FCRL6: variants seen among roughly 807,000 people sequenced by gnomAD.
FCRL6 encodes Fc receptor-like protein 6.
Under a neutral mutation model 49.1 loss-of-function variants are expected in FCRL6, and 50 were observed. The ratio of observed to expected loss-of-function variants is 1.02; its 90% CI spans 0.81 to 1.29. The LOEUF is 1.29. FCRL6 is among the 50% of genes most tolerant of loss of function. FCRL6 has a pLI of 0.00. For synonymous variants in FCRL6, 213 were observed against 199.6 expected (o/e 1.07, Z -0.57); for missense variants, 571 against 518.5 (o/e 1.10, Z -0.98).
chr1:159,809,489 A>G lies in FCRL6; in HGVS notation c.692A>G (p.Gln231Arg). 6.2e-7 allele frequency: 1 copy of G among 1,614,152 alleles called. No individual in the cohort carries two copies. Among genetic ancestry groups the G allele is most frequent in the Non-Finnish European group, 8.5e-7 (1 of 1,180,004 alleles). The change falls in exon 5 of 10, where the codon CAG becomes CGG. Residue 231 changes from glutamine to arginine, a missense_variant. Transcript: ENST00000368106. ...ATGGTGCAGCTCCTCTGTGAGGCAC[A>G]GAGGGGCTCCCCTCCGATCCTGTAT... The part of the protein sequence containing the change: ...GDMVQLLCEA[Q>R]RGSPPILYSF...
chr1:159,803,060 TC>T (rs1280410056), intron 1 of FCRL6, among the ~76,000 whole-genome samples: 1 of 152,188 alleles, frequency 6.6e-6, no homozygotes, highest in East Asian at 1.9e-4. Context: ...ACATCTTCTC[TC>T]TGTTGGGAGC....
At chr1:159,815,480 C>G in intron 9 of FCRL6, 21 bp downstream of exon 9, 1 of 1,614,116 alleles carries the variant, frequency 6.2e-7, no homozygotes, top group Non-Finnish European at 8.5e-7. Context: ...ATCCCTGCTC[C>G]TTTCTCACCC....
At chr1:159,814,135 G>A (rs1024561091) in intron 7 of FCRL6, 86 bp from the exon 8 acceptor site, 19 of 1,250,844 alleles carry the variant, frequency 1.5e-5, no homozygotes, top group Non-Finnish European at 1.7e-5. Flanking sequence ...AGCCCCTGAT[G>A]GGCTTCTCTC....
chr1:159,812,570 G>A (rs77142732), intron 6 of FCRL6, among the ~76,000 whole-genome samples: 5,378 of 152,256 alleles, frequency 0.035, 307 homozygotes, highest in African/African-American at 0.12. Flanking sequence ...ACAAAGTTCT[G>A]TCAAACTCAT....
chr1:159,801,074 A>G (rs1385704080), upstream of FCRL6, among the ~76,000 whole-genome samples: 1 of 152,204 alleles, frequency 6.6e-6, no homozygotes, highest in Non-Finnish European at 1.5e-5. Context: ...GCTTCCTAGT[A>G]TTTTGCCTGA....
chr1:159,814,842 A>C (rs1663300630), intron 8 of FCRL6, among the ~76,000 whole-genome samples: 1 of 152,188 alleles, frequency 6.6e-6, no homozygotes, highest in Admixed American at 6.5e-5. Context: ...CATGAGAAGA[A>C]TGTGGGTTTC....
chr1:159,801,593 T>A (rs1237699189), upstream of FCRL6, among the ~76,000 whole-genome samples: 1 of 152,238 alleles, frequency 6.6e-6, no homozygotes, highest in Non-Finnish European at 1.5e-5. Flanking sequence ...CACGTGGATA[T>A]CTGCTTCTGT....
rs368925722 is a variant in FCRL6, at chr1:159,815,649, G to T, written c.1293G>T (p.Glu431Asp). ...AAGAACCCCTTAGCGACTGTGAGGA[G>T]GTTCTCTGCTAGTGATGGTGTTCTC... Reference protein sequence around the residue: ...TLQEPLSDCEEVLC With the variant: ...TLQEPLSDCEDVLC Residue 431 changes from glutamate to aspartate, a missense_variant, in exon 10 of 10, where the codon GAG becomes GAT. Physicochemically the swap from Glu to Asp is conservative, Grantham distance 45. Transcript: ENST00000368106. 6.3e-5 allele frequency: 101 copies of T among 1,614,000 alleles called. 1 individual carries two copies. Among genetic ancestry groups the T allele is most frequent in the Non-Finnish European group, 7.9e-5 (93 of 1,180,034 alleles).
At chr1:159,811,150 G>A (rs546262040) in intron 6 of FCRL6, among the ~76,000 whole-genome samples, 2 of 152,310 alleles carry the variant, frequency 1.3e-5, no homozygotes, top group African/African-American at 4.8e-5. Flanking sequence ...TGTCACAGTC[G>A]TGATAATTAA....
rs760326781 is a variant in FCRL6 at position 159,809,612 on chromosome 1, G to T, written c.815G>T (p.Gly272Val). The T allele has an allele frequency of 1.9e-6, 3 of 1,614,028 alleles. No homozygotes were observed. Among genetic ancestry groups the T allele is most frequent in the Non-Finnish European group, 2.5e-6 (3 of 1,180,024 alleles). Residue 272 changes from glycine to valine, a missense_variant, in exon 5 of 10, where the codon GGG becomes GTG. Transcript: ENST00000368106. Reference protein sequence around the residue: ...LFPVKSEQDAGNYSCEAENSV... With the variant: ...LFPVKSEQDAVNYSCEAENSV... ...CCAGTGAAGTCAGAACAGGATGCTGGGAACTACTCCTGCGAGGCTGAGAAC... is the reference window on the plus strand; with the variant it reads ...CCAGTGAAGTCAGAACAGGATGCTGTGAACTACTCCTGCGAGGCTGAGAAC...
At chr1:159,809,823 T>C in intron 5 of FCRL6, 140 bp downstream of exon 5, 1 of 803,724 alleles carries the variant, frequency 1.2e-6, no homozygotes, top group Middle Eastern at 2.4e-4. Context: ...GGACCCTAAT[T>C]AGTCCATCTG....
intron 7 of FCRL6, 68 bp downstream of exon 7, chr1:159,813,622 A>G (rs76282094): frequency 0.036 from 49,474 of 1,375,468 alleles, 5,216 homozygotes; most frequent in Admixed American, 0.29. Flanking sequence ...GGGAAGTAAG[A>G]AGGGAGCTCT....
In FCRL6 at chr1:159,813,553, C is replaced by T. The variant is rs201047193; in HGVS notation, c.1074C>T (p.Asn358=). The part of the protein sequence containing the change: ...PGGEQCPLYA[N]VHHQKGKDEG... ...GAGAGCAGTGCCCACTATATGCCAA[C>T]GGTAAGGACTTCCAGCAGGATGGTG... The change falls in exon 7 of 10, where the codon AAC becomes AAT. Residue 358 remains asparagine (N), a splice_region_variant and synonymous_variant. Transcript: ENST00000368106. 9.9e-5 allele frequency: 160 copies of T among 1,613,648 alleles called. No individual in the cohort carries two copies. The highest frequency in any genetic ancestry group is 6.6e-4 in the Middle Eastern group (4 of 6,084).
intron 2 of FCRL6, among the ~76,000 whole-genome samples, chr1:159,807,465 G>A (rs1662767993): frequency 6.6e-6 from 1 of 152,248 alleles, no homozygotes; most frequent in Admixed American, 6.5e-5. Flanking sequence ...GGTGATGGTG[G>A]ATCCCTGGGA....
At chr1:159,808,068 C>T in intron 2 of FCRL6, 110 bp from the exon 3 acceptor site, 2 of 1,235,058 alleles carry the variant, frequency 1.6e-6, no homozygotes, top group African/African-American at 1.5e-5. Context: ...ATACCAGTGC[C>T]ATCCAAGGGC....
intron 1 of FCRL6, among the ~76,000 whole-genome samples, chr1:159,803,173 C>T (rs1662451557): frequency 6.6e-6 from 1 of 152,186 alleles, no homozygotes; most frequent in South Asian, 2.1e-4. Context: ...CTACTTGTAA[C>T]TAAGAGAGCT....
intron 2 of FCRL6, among the ~76,000 whole-genome samples, 180 bp from the exon 3 acceptor site, chr1:159,807,998 A>T (rs1662808136): frequency 1.3e-5 from 2 of 151,972 alleles, no homozygotes; most frequent in African/African-American, 4.8e-5. Context: ...AAGGAGGAGT[A>T]AAGGAAGTCC....
At chr1:159,813,042 G>A (rs1663176280) in intron 6 of FCRL6, among the ~76,000 whole-genome samples, 1 of 152,200 alleles carries the variant, frequency 6.6e-6, no homozygotes, top group African/African-American at 2.4e-5. Flanking sequence ...AAAACCATTA[G>A]ACGCCAAAGA....
At chr1:159,806,486 CG>C in intron 1 of FCRL6, 109 bp from the exon 2 acceptor site, 1 of 932,810 alleles carries the variant, frequency 1.1e-6, no homozygotes, top group East Asian at 2.4e-5. Context: ...GTTTGGTGGC[CG>C]GGTGGTTGGT....
Sources: allele counts gnomAD v4.1 joint callset (sites outside exome capture counted in the v4.1 genomes callset), GRCh38; gene constraint gnomAD v4.1.1; transcripts MANE v1.5; gene names NCBI Gene and HGNC (gene_info 2026-07-23, HGNC 2026-07-21).